The following RBFOX1 variants were observed in gnomAD, a reference collection of about 807,000 sequenced individuals.
RBFOX1 encodes the protein RNA binding protein fox-1 homolog 1.
RBFOX1 carries 8 observed loss-of-function variants against 57.7 expected under a neutral mutation model. The observed-to-expected ratio is 0.14, with a 90% CI of 0.08 to 0.25. RBFOX1 has a LOEUF of 0.25. Ranked by LOEUF, RBFOX1 falls within the 10% of genes least tolerant of loss-of-function variation. The pLI, the probability that RBFOX1 is intolerant of heterozygous loss-of-function variation, is 1.00. For synonymous variants in RBFOX1, 326 were observed against 222.4 expected, an observed-to-expected ratio of 1.47 and a Z score of -4.15; for missense variants, 611 against 548.5, an observed-to-expected ratio of 1.11 and a Z score of -1.14.
intron 4 of RBFOX1, among the ~76,000 whole-genome samples, chr16:7,226,158 G>A (rs555893303): frequency 6.6e-6 from 1 of 152,216 alleles, no homozygotes; most frequent in Admixed American, 6.5e-5. Flanking sequence ...TTACAATCAT[G>A]AAAGGTAACA....
intron 1 of RBFOX1, among the ~76,000 whole-genome samples, chr16:6,186,269 G>C (rs1339490496): frequency 2.6e-5 from 4 of 152,154 alleles, no homozygotes; most frequent in African/African-American, 4.8e-5. Flanking sequence ...TACAACTGAT[G>C]ACTCTGGGTT....
intron 1 of RBFOX1, among the ~76,000 whole-genome samples, chr16:6,175,334 G>A (rs1355828414): frequency 2.0e-5 from 3 of 152,152 alleles, no homozygotes. Context: ...GAGTTACAGG[G>A]TACCACAGTC....
intron 3 of RBFOX1, among the ~76,000 whole-genome samples, chr16:6,945,519 C>G (rs113186865): frequency 0.014 from 2,051 of 151,840 alleles, 57 homozygotes; most frequent in African/African-American, 0.047. Flanking sequence ...TTGGAAAACA[C>G]TACCTGACCA....
intron 3 of RBFOX1, among the ~76,000 whole-genome samples, chr16:5,852,883 C>G (rs2056931737): frequency 1.3e-5 from 2 of 152,074 alleles, no homozygotes; most frequent in South Asian, 4.2e-4. Context: ...TTTCCCCTGC[C>G]AGCAGACTCT....
chr16:6,651,591 C>A (rs538483605), intron 2 of RBFOX1, among the ~76,000 whole-genome samples: 1 of 152,202 alleles, frequency 6.6e-6, no homozygotes, highest in African/African-American at 2.4e-5. Flanking sequence ...GATTGGAACA[C>A]TTGTGCACTG....
intron 3 of RBFOX1, among the ~76,000 whole-genome samples, chr16:7,020,852 C>T (rs187472293): frequency 2.3e-4 from 35 of 152,274 alleles, no homozygotes; most frequent in African/African-American, 8.4e-4. Flanking sequence ...CGAGGCCAGT[C>T]TTGAAGGCTC....
intron 2 of RBFOX1, among the ~76,000 whole-genome samples, chr16:6,577,552 T>C (rs1227342310): frequency 6.6e-6 from 1 of 152,230 alleles, no homozygotes; most frequent in Non-Finnish European, 1.5e-5. Context: ...TATTTCTTGC[T>C]GATGAAGATT....
chr16:7,108,940 A>G lies in RBFOX1; in HGVS notation c.27+56842A>G, dbSNP rs188486390. 2.3e-3 allele frequency among the ~76,000 whole-genome samples: 349 copies of G among 152,268 alleles called. 1 individual carries two copies. The highest frequency in any genetic ancestry group is 8.1e-3 in the African/African-American group (338 of 41,566). On this transcript the variant is annotated intron_variant, in intron 4 of 15. Coordinates refer to ENST00000550418, the MANE Select transcript of RBFOX1 (RefSeq NM_018723.4). Reference sequence around the variant, plus strand: ...ACTGACATTCAACAAACTCAGACATATGGTCAAGGAGGAGAAAAGCATGAA... The same window carrying G: ...ACTGACATTCAACAAACTCAGACATGTGGTCAAGGAGGAGAAAAGCATGAA...
intron 3 of RBFOX1, among the ~76,000 whole-genome samples, chr16:6,954,610 G>A (rs1011549520): frequency 6.6e-6 from 1 of 152,064 alleles, no homozygotes; most frequent in Non-Finnish European, 1.5e-5. Flanking sequence ...TTATGTAGAT[G>A]GAGAAACTGA....
intron 3 of RBFOX1, among the ~76,000 whole-genome samples, chr16:6,918,305 A>G (rs1308095592): frequency 6.6e-6 from 1 of 150,770 alleles, no homozygotes; most frequent in African/African-American, 2.4e-5. Flanking sequence ...AAGGAAACAC[A>G]CATTTGGGGA....
intron 3 of RBFOX1, among the ~76,000 whole-genome samples, chr16:7,022,774 G>C (rs1271554043): frequency 2.0e-5 from 3 of 152,142 alleles, no homozygotes; most frequent in Non-Finnish European, 4.4e-5. Context: ...TGGTATATTA[G>C]CTCATTTTAT....
chr16:7,331,695 T>C (rs1359338825), intron 4 of RBFOX1, among the ~76,000 whole-genome samples: 1 of 152,104 alleles, frequency 6.6e-6, no homozygotes, highest in East Asian at 1.9e-4. Flanking sequence ...ATTATCTCAG[T>C]TTTCCAAATG....
chr16:6,460,478 G>T (rs771114570), intron 2 of RBFOX1, among the ~76,000 whole-genome samples: 1 of 151,854 alleles, frequency 6.6e-6, no homozygotes, highest in Non-Finnish European at 1.5e-5. Context: ...CATACATGCG[G>T]CCAAACATAT....
At chr16:6,920,458 G>C (rs541339380) in intron 3 of RBFOX1, among the ~76,000 whole-genome samples, 1 of 152,276 alleles carries the variant, frequency 6.6e-6, no homozygotes, top group African/African-American at 2.4e-5. Context: ...GAAAAAGTTA[G>C]ATGTGTCCTA....
intron 1 of RBFOX1, among the ~76,000 whole-genome samples, chr16:6,236,857 T>C (rs1216193568): frequency 6.6e-6 from 1 of 152,170 alleles, no homozygotes; most frequent in Non-Finnish European, 1.5e-5. Context: ...ATTCCTATAG[T>C]GTAAGTGAGG....
intron 4 of RBFOX1, among the ~76,000 whole-genome samples, chr16:5,998,755 A>AT (rs767292610): frequency 2.6e-5 from 4 of 152,002 alleles, no homozygotes; most frequent in Admixed American, 6.6e-5. Context: ...TGCAAATGGC[A>AT]TTTTTTCGCA....
chr16:6,979,640 T>C lies in RBFOX1; in HGVS notation c.-15-72417T>C, dbSNP rs150103885. On this transcript the variant is annotated intron_variant, in intron 3 of 15. Coordinates refer to ENST00000550418, the MANE Select transcript of RBFOX1 (RefSeq NM_018723.4). Reference sequence around the variant, plus strand: ...GTTTGGGGAGCTCAGAACTTTCTTTTGGGTTGCAGAAATAAGTTATGTTTC... The same window carrying C: ...GTTTGGGGAGCTCAGAACTTTCTTTCGGGTTGCAGAAATAAGTTATGTTTC... Among the ~76,000 whole-genome samples the C allele has an allele frequency of 1.8e-3, 279 of 152,314 alleles. 2 individuals carry two copies. Among genetic ancestry groups the C allele is most frequent in the African/African-American group, 6.7e-3 (277 of 41,570 alleles).
intron 3 of RBFOX1, among the ~76,000 whole-genome samples, chr16:5,627,387 C>G (rs771685888): frequency 4.6e-5 from 7 of 151,612 alleles, no homozygotes; most frequent in Non-Finnish European, 1.0e-4. Flanking sequence ...CCACATTCAG[C>G]AATTTTGCCT....
At chr16:7,132,813 G>GA (rs915336834) in intron 4 of RBFOX1, among the ~76,000 whole-genome samples, 13 of 150,350 alleles carry the variant, frequency 8.6e-5, no homozygotes, top group Admixed American at 1.3e-4. Context: ...TATCAAAATT[G>GA]AAAAAAAAAG....
Sources: gnomAD v4.1 joint callset for allele counts (sites outside exome capture counted in the v4.1 genomes callset) on GRCh38, gnomAD v4.1.1 for gene constraint, MANE v1.5 for transcripts, NCBI Gene and HGNC (gene_info 2026-07-23, HGNC 2026-07-21) for gene names.